Variants in OR5D3 observed in about 807,000 individuals in gnomAD.
OR5D3 encodes the protein olfactory receptor 5D3.
chr11:55,726,049 T>G, the OR5D3 span, among the ~76,000 whole-genome samples: 1 of 152,220 alleles, frequency 6.6e-6, no homozygotes, highest in Admixed American at 6.5e-5. Flanking sequence ...GTAATTTTTA[T>G]ATAAGTACTC....
chr11:55,727,840 G>A, the OR5D3 span: 1 of 151,754 alleles, frequency 6.6e-6, no homozygotes, highest in South Asian at 2.1e-4. Context: ...ATTTTCCTTT[G>A]TAAGAAATAA....
chr11:55,728,111 A>T, the OR5D3 span: 15,504 of 152,022 alleles, frequency 0.1, 954 homozygotes, highest in African/African-American at 0.16. Flanking sequence ...TACCTTTGGA[A>T]CTAGAGACCT....
At chr11:55,727,389 G>A in the OR5D3 span, 2 of 283,112 alleles carry the variant, frequency 7.1e-6, no homozygotes, top group Non-Finnish European at 1.3e-5. Context: ...GTTAGTATAC[G>A]TTTATTGTGA....
chr11:55,727,001 A>C, the OR5D3 span: 1 of 400,222 alleles, frequency 2.5e-6, no homozygotes, highest in Middle Eastern at 5.8e-4. Context: ...TGTGTTCCTA[A>C]CTCCAAAAGT....
At chr11:55,724,428 T>C in the OR5D3 span, among the ~76,000 whole-genome samples, 1 of 152,088 alleles carries the variant, frequency 6.6e-6, no homozygotes, top group Non-Finnish European at 1.5e-5. Context: ...TAAGCACTAA[T>C]GTTTGCAATA....
the OR5D3 span, chr11:55,724,190 C>T: frequency 1.0e-5 from 4 of 385,522 alleles, no homozygotes; most frequent in Non-Finnish European, 1.8e-5. Context: ...AGCAGAGGAC[C>T]TATGTTGTTA....
At chr11:55,727,619 T>C in the OR5D3 span, 3 of 152,012 alleles carry the variant, frequency 2.0e-5, no homozygotes, top group African/African-American at 4.8e-5. Flanking sequence ...CAAAAATAAA[T>C]AAGAAAATTA....
the OR5D3 span, chr11:55,727,428 A>G: frequency 1.0e-4 from 22 of 210,080 alleles, no homozygotes; most frequent in Non-Finnish European, 1.9e-5. Context: ...AGTTCAATTT[A>G]AATCTTGCAA....
the OR5D3 span, chr11:55,728,886 T>G: frequency 6.6e-6 from 1 of 152,056 alleles, no homozygotes; most frequent in Non-Finnish European, 1.5e-5. Context: ...TGTGTATGTG[T>G]GTGCATATGT....
the OR5D3 span, chr11:55,728,455 A>T: frequency 6.6e-6 from 1 of 152,116 alleles, no homozygotes; most frequent in South Asian, 2.1e-4. Flanking sequence ...CAGATAACCC[A>T]TGGCTCTAAT....
chr11:55,727,882 T>G, the OR5D3 span: 1 of 152,062 alleles, frequency 6.6e-6, no homozygotes, highest in Non-Finnish European at 1.5e-5. Flanking sequence ...TTTTAACCAG[T>G]TTCCCCCTAA....
chr11:55,724,022 G>T, the OR5D3 span: 3 of 397,914 alleles, frequency 7.5e-6, no homozygotes, highest in Non-Finnish European at 1.3e-5. Flanking sequence ...AGATCCTTCA[G>T]TAAATGAATC....
At chr11:55,726,260 G>C in the OR5D3 span, 1 of 404,428 alleles carries the variant, frequency 2.5e-6, no homozygotes. Context: ...ATCCTCTTGG[G>C]CTTCTCAGAA....
At chr11:55,727,503 C>A in the OR5D3 span, 1 of 156,596 alleles carries the variant, frequency 6.4e-6, no homozygotes, top group African/African-American at 2.4e-5. Context: ...TACCTGATAA[C>A]ATAAAATTAC....
the OR5D3 span, chr11:55,729,317 A>G: frequency 6.6e-6 from 1 of 151,948 alleles, no homozygotes; most frequent in Non-Finnish European, 1.5e-5. Flanking sequence ...TTTTTCTACA[A>G]ATACATTTGT....
chr11:55,726,770 C>T, the OR5D3 span: 5 of 398,878 alleles, frequency 1.3e-5, no homozygotes, highest in Middle Eastern at 6.2e-4. Context: ...GCCATTGTTG[C>T]TGTGTCCTGC....
chr11:55,726,330 G>C, the OR5D3 span: 2 of 453,962 alleles, frequency 4.4e-6, no homozygotes, highest in Admixed American at 6.9e-5. Flanking sequence ...CAATCACTGT[G>C]ATGGGGAATC....
chr11:55,726,797 G>A, the OR5D3 span: 2 of 398,838 alleles, frequency 5.0e-6, no homozygotes, highest in African/African-American at 4.1e-5. Context: ...CCCTACATGA[G>A]CCAGAAGGTC....
chr11:55,726,168 T>C, the OR5D3 span: 49 of 398,312 alleles, frequency 1.2e-4, no homozygotes, highest in East Asian at 3.9e-4. Context: ...TTATTGCACA[T>C]ATTGGCTTCT....
Sources: allele counts gnomAD v4.1 joint callset (sites outside exome capture counted in the v4.1 genomes callset), GRCh38; gene constraint gnomAD v4.1.1; transcripts MANE v1.5; gene names NCBI Gene and HGNC (gene_info 2026-07-23, HGNC 2026-07-21).